ENOX2: variants seen among roughly 807,000 people sequenced by gnomAD.
ENOX2 encodes APK1 antigen.
In ENOX2, 36 loss-of-function variants were observed where a neutral mutation model predicts 45.0. The ratio of observed to expected loss-of-function variants is 0.80; its 90% CI spans 0.61 to 1.06. The LOEUF (loss-of-function observed/expected upper bound fraction) is 1.06. Among genes scored for constraint, ENOX2 ranks in the 50% least tolerant of loss-of-function variants. The probability of loss-of-function intolerance (pLI) is 0.00; values close to 1 mark genes in which losing one functional copy is unlikely to be tolerated. For synonymous variants in ENOX2, 174 were observed against 152.3 expected, an observed-to-expected ratio of 1.14 and a Z score of -1.05; for missense variants, 423 against 462.5, an observed-to-expected ratio of 0.91 and a Z score of 0.78.
At position 130,735,748 on chromosome X, in the gene ENOX2, C is replaced by T. The variant is rs761132862; in HGVS notation, c.-38-32494G>A. ...CCAATAACAGAGGATTGGTTAAATA[C>T]ATTAGATGACATATTTATATAATGG... On this transcript the variant is annotated intron_variant, in intron 3 of 14. Coordinates refer to ENST00000394363, the MANE Select transcript of ENOX2 (RefSeq NM_006375.4). Among the ~76,000 whole-genome samples the T allele has an allele frequency of 2.7e-5, 3 of 111,428 alleles. No homozygotes were observed. In the East Asian group the frequency reaches 8.5e-4, roughly 31 times the overall value.
Position 130,827,318 on chromosome X carries a change from T to C in ENOX2, c.-182-43628A>G, listed in dbSNP as rs1005600808. Among the ~76,000 whole-genome samples, 3 of 111,911 alleles carry C rather than the reference T, an allele frequency of 2.7e-5. No homozygotes were observed. In the Admixed American group the frequency reaches 2.8e-4, roughly 11 times the overall value. On this transcript the variant is annotated intron_variant, in intron 2 of 14. Coordinates refer to ENST00000394363, the MANE Select transcript of ENOX2 (RefSeq NM_006375.4). ...AAATTACTGCACAACTTTGCAGTGA[T>C]TCTGCCCCCTCTGACTGGAATGCTC...
At chrX:130,739,449 T>C (rs1293476586) in intron 3 of ENOX2, among the ~76,000 whole-genome samples, 1 of 112,550 alleles carries the variant, frequency 8.9e-6, no homozygotes, top group Non-Finnish European at 1.9e-5. Context: ...TACGATGTGT[T>C]TATCGGGCAG....
intron 2 of ENOX2, among the ~76,000 whole-genome samples, chrX:130,875,548 G>C (rs1395514933): frequency 9.0e-6 from 1 of 111,622 alleles, no homozygotes; most frequent in Non-Finnish European, 1.9e-5. Flanking sequence ...TCAAGACCAC[G>C]CAACAGAGAA....
intron 10 of ENOX2, among the ~76,000 whole-genome samples, chrX:130,646,656 G>A (rs764031026): frequency 1.8e-4 from 20 of 112,372 alleles, no homozygotes; most frequent in Middle Eastern, 9.2e-3. Context: ...ACTTGTGTTC[G>A]TTGGGGACTG....
chrX:130,789,646 C>A (rs779377441), intron 2 of ENOX2, among the ~76,000 whole-genome samples: 8 of 112,546 alleles, frequency 7.1e-5, no homozygotes, highest in Non-Finnish European at 1.5e-4. Flanking sequence ...GCTAATTTGT[C>A]TGTAAAACAA....
intron 2 of ENOX2, among the ~76,000 whole-genome samples, chrX:130,838,284 A>C (rs2077960980): frequency 1.8e-5 from 2 of 111,957 alleles, no homozygotes; most frequent in South Asian, 7.5e-4. Context: ...TGGGAGGCTG[A>C]GGCAGGAGAA....
At chrX:130,893,693 C>G (rs2079016315) in intron 2 of ENOX2, among the ~76,000 whole-genome samples, 1 of 112,290 alleles carries the variant, frequency 8.9e-6, no homozygotes, top group African/African-American at 3.2e-5. Flanking sequence ...GGCACAGGTA[C>G]CTTCAACATG....
chrX:130,776,659 C>T (rs2039863769), intron 3 of ENOX2, among the ~76,000 whole-genome samples: 1 of 111,595 alleles, frequency 9.0e-6, no homozygotes, highest in Non-Finnish European at 1.9e-5. Context: ...TTATAAATTA[C>T]CCAGTCTCAG....
intron 3 of ENOX2, among the ~76,000 whole-genome samples, chrX:130,780,547 C>T (rs1480874343): frequency 9.0e-6 from 1 of 111,408 alleles, no homozygotes; most frequent in African/African-American, 3.3e-5. Context: ...GAAGAATCTG[C>T]AAAGTGTATT....
At position 130,774,325 on chromosome X, in the gene ENOX2, A is replaced by G. The variant is rs2039805389; in HGVS notation, c.-39+9222T>C. Among the ~76,000 whole-genome samples the G allele has an allele frequency of 3.6e-5, 4 of 111,605 alleles. No individual in the cohort carries two copies. The South Asian group carries it at 1.5e-3, about 42-fold the overall frequency. ...AGCATAGACACCTGGCCCCATTTTC[A>G]TTTTGATTTAATTGATTCCAGACAC... is the stretch of plus-strand genomic sequence containing the variant. On this transcript the variant is annotated intron_variant, in intron 3 of 14. Transcript: ENST00000394363.
At chrX:130,895,766 A>G (rs895443591) in intron 2 of ENOX2, among the ~76,000 whole-genome samples, 6 of 112,357 alleles carry the variant, frequency 5.3e-5, no homozygotes, top group Non-Finnish European at 7.5e-5. Flanking sequence ...TAGATTGCCA[A>G]TGTATTTCAC....
intron 3 of ENOX2, among the ~76,000 whole-genome samples, chrX:130,758,540 G>A (rs1238883877): frequency 3.6e-5 from 4 of 112,259 alleles, no homozygotes; most frequent in Non-Finnish European, 5.6e-5. Flanking sequence ...TGGGTTGTTC[G>A]TACTTTTTGG....
chrX:130,745,163 T>C (rs1454883352), intron 3 of ENOX2, among the ~76,000 whole-genome samples: 1 of 111,282 alleles, frequency 9.0e-6, no homozygotes, highest in African/African-American at 3.3e-5. Context: ...ACCTTATAAG[T>C]TTGGTATGAA....
intron 3 of ENOX2, among the ~76,000 whole-genome samples, chrX:130,719,175 C>T (rs1659551162): frequency 9.0e-6 from 1 of 111,053 alleles, no homozygotes; most frequent in African/African-American, 3.3e-5. Flanking sequence ...AACGATATAA[C>T]CAAATCTGTA....
intron 2 of ENOX2, among the ~76,000 whole-genome samples, chrX:130,886,618 G>A (rs1294505294): frequency 9.0e-6 from 1 of 111,562 alleles, no homozygotes; most frequent in South Asian, 3.8e-4. Context: ...TTTGGGGCTC[G>A]TATTTGTAGC....
At chrX:130,815,336 T>C (rs1603357586) in intron 2 of ENOX2, among the ~76,000 whole-genome samples, 1 of 112,163 alleles carries the variant, frequency 8.9e-6, no homozygotes, top group East Asian at 2.8e-4. Context: ...CAGGATATTA[T>C]CCAGGAGAAC....
intron 3 of ENOX2, among the ~76,000 whole-genome samples, chrX:130,750,545 C>T (rs989804667): frequency 1.4e-4 from 15 of 111,102 alleles, no homozygotes; most frequent in African/African-American, 4.9e-4. Flanking sequence ...TCCTCTCTCT[C>T]GGGCTGTCAG....
chrX:130,663,977 GAAC>G lies in ENOX2; in HGVS notation c.1014+1663_1014+1665del, dbSNP rs757413464. ...AAGTTGAATTTTGTTTGTTGAAGGT[GAAC>G]AACATGAGGCAGCCCTAGGATTCTA... is the stretch of plus-strand genomic sequence containing the variant. On this transcript the variant is annotated intron_variant, in intron 9 of 14. Transcript: ENST00000394363. Among the ~76,000 whole-genome samples, 4 of 111,848 alleles carry G rather than the reference GAAC, an allele frequency of 3.6e-5. No individual in the cohort carries two copies. In the South Asian group the frequency reaches 1.5e-3, roughly 43 times the overall value.
intron 3 of ENOX2, among the ~76,000 whole-genome samples, chrX:130,765,765 G>T (rs987497492): frequency 2.7e-5 from 3 of 111,301 alleles, no homozygotes; most frequent in Non-Finnish European, 5.7e-5. Context: ...GGGGTCACAG[G>T]GTATATGTAT....
Sources: gnomAD v4.1 joint callset for allele counts (sites outside exome capture counted in the v4.1 genomes callset) on GRCh38, gnomAD v4.1.1 for gene constraint, MANE v1.5 for transcripts, NCBI Gene and HGNC (gene_info 2026-07-23, HGNC 2026-07-21) for gene names.